RFPL1: variants seen among roughly 807,000 people sequenced by gnomAD.
RFPL1 encodes ret finger protein like 1, also known as ret finger protein-like 1.
Under a neutral mutation model 9.6 loss-of-function variants are expected in RFPL1, and 6 were observed. The observed-to-expected ratio is 0.62, with a 90% CI of 0.34 to 1.23. The LOEUF (loss-of-function observed/expected upper bound fraction) is 1.23, where lower values mean the gene tolerates loss of function less well. Ranked by LOEUF, RFPL1 falls within the 50% of genes most tolerant of loss-of-function variation. The probability of loss-of-function intolerance (pLI) is 0.03; values close to 1 mark genes in which losing one functional copy is unlikely to be tolerated. For missense variants in RFPL1, 352 were observed against 398.4 expected (o/e 0.88, Z 0.99); for synonymous variants, 145 against 149.4 (o/e 0.97, Z 0.22).
chr22:29,410,764 G>A, the RFPL1 span, among the ~76,000 whole-genome samples: 2 of 150,288 alleles, frequency 1.3e-5, no homozygotes, highest in East Asian at 3.9e-4. Flanking sequence ...GGACTTCTCC[G>A]GCTTCCGCAT....
chr22:29,417,181 G>A, the RFPL1 span, among the ~76,000 whole-genome samples: 3 of 151,932 alleles, frequency 2.0e-5, no homozygotes, highest in Non-Finnish European at 4.4e-5. Context: ...TCGCTCTTTG[G>A]GGCTTATCAT....
chr22:29,427,182 G>A, the RFPL1 span, among the ~76,000 whole-genome samples: 1 of 152,266 alleles, frequency 6.6e-6, no homozygotes, highest in Non-Finnish European at 1.5e-5. Flanking sequence ...TGGAAACACT[G>A]AGGGGGGGCC....
the RFPL1 span, among the ~76,000 whole-genome samples, chr22:29,407,071 T>C: frequency 2.2e-4 from 23 of 105,734 alleles, no homozygotes; most frequent in African/African-American, 8.3e-4. Flanking sequence ...CAAGTTAGAG[T>C]TGTTCTTTTG....
chr22:29,412,393 G>A, the RFPL1 span, among the ~76,000 whole-genome samples: 1 of 152,022 alleles, frequency 6.6e-6, no homozygotes, highest in Non-Finnish European at 1.5e-5. Flanking sequence ...CAGTGGCAGC[G>A]CTCCCGAGTA....
the RFPL1 span, among the ~76,000 whole-genome samples, chr22:29,410,223 A>C: frequency 7.2e-6 from 1 of 138,130 alleles, no homozygotes; most frequent in African/African-American, 2.7e-5. Context: ...ATCTATATAT[A>C]TATATAGATA....
the RFPL1 span, among the ~76,000 whole-genome samples, chr22:29,415,327 G>T: frequency 1.3e-5 from 2 of 152,236 alleles, no homozygotes; most frequent in African/African-American, 4.8e-5. Context: ...CAAATGGAGT[G>T]GGCAAGTTCC....
the RFPL1 span, among the ~76,000 whole-genome samples, chr22:29,419,837 T>G: frequency 6.7e-6 from 1 of 149,708 alleles, no homozygotes; most frequent in Non-Finnish European, 1.5e-5. Context: ...AAAAAGAAAC[T>G]TAGAGGCCAC....
the RFPL1 span, among the ~76,000 whole-genome samples, chr22:29,421,822 G>A: frequency 2.0e-5 from 3 of 151,792 alleles, no homozygotes; most frequent in African/African-American, 7.3e-5. Context: ...CTTCAGTGTG[G>A]TTACTACTCT....
chr22:29,414,815 C>CT, the RFPL1 span, among the ~76,000 whole-genome samples: 2,036 of 134,412 alleles, frequency 0.015, 48 homozygotes, highest in African/African-American at 0.051. Context: ...TACCTTTTTG[C>CT]TTTTTTTTTT....
chr22:29,401,128 G>A, the RFPL1 span, among the ~76,000 whole-genome samples: 1 of 152,152 alleles, frequency 6.6e-6, no homozygotes, highest in African/African-American at 2.4e-5. Flanking sequence ...TCATACCCAT[G>A]GCTTCAATTG....
chr22:29,425,167 G>A, the RFPL1 span, among the ~76,000 whole-genome samples: 1 of 142,314 alleles, frequency 7.0e-6, no homozygotes, highest in Non-Finnish European at 1.5e-5. Flanking sequence ...TTGCGCCACT[G>A]CACTCTAGCC....
chr22:29,400,949 G>A, the RFPL1 span, among the ~76,000 whole-genome samples: 1 of 152,198 alleles, frequency 6.6e-6, no homozygotes, highest in Non-Finnish European at 1.5e-5. Flanking sequence ...CCTCCATTCC[G>A]ATGAGACCCA....
chr22:29,429,474 A>G, the RFPL1 span, among the ~76,000 whole-genome samples: 1 of 152,232 alleles, frequency 6.6e-6, no homozygotes. Flanking sequence ...GAAAAAGGAG[A>G]CATTACAACT....
the RFPL1 span, among the ~76,000 whole-genome samples, chr22:29,422,549 G>T: frequency 6.6e-6 from 1 of 152,084 alleles, no homozygotes; most frequent in African/African-American, 2.4e-5. Flanking sequence ...TTGTACTCGT[G>T]CCTGGGCAAC....
chr22:29,407,079 TTGTGTGTGTGTGTGTGTGTG>T, the RFPL1 span, among the ~76,000 whole-genome samples: 1 of 145,918 alleles, frequency 6.9e-6, no homozygotes, highest in Admixed American at 6.9e-5. Context: ...AGTTGTTCTT[TTGTGTGTGTGTGTGTGTGTG>T]TGTGTGTGTG....
At chr22:29,424,302 A>G in the RFPL1 span, among the ~76,000 whole-genome samples, 1 of 152,234 alleles carries the variant, frequency 6.6e-6, no homozygotes, top group South Asian at 2.1e-4. Context: ...AAAGAAAAGA[A>G]GTTACACAGG....
the RFPL1 span, among the ~76,000 whole-genome samples, chr22:29,421,779 A>C: frequency 6.7e-6 from 1 of 150,254 alleles, no homozygotes; most frequent in Non-Finnish European, 1.5e-5. Flanking sequence ...CTCCACCCAG[A>C]GCTCTCCCAC....
At chr22:29,405,413 G>A in the RFPL1 span, among the ~76,000 whole-genome samples, 1 of 152,208 alleles carries the variant, frequency 6.6e-6, no homozygotes, top group Admixed American at 6.5e-5. Flanking sequence ...ATCCCAGACT[G>A]TGCATCATAA....
At chr22:29,389,320 T>C in the RFPL1 span, among the ~76,000 whole-genome samples, 1 of 151,446 alleles carries the variant, frequency 6.6e-6, no homozygotes, top group Non-Finnish European at 1.5e-5. Context: ...CCCAGGAGGT[T>C]GAGGTTACAG....
Sources: allele counts gnomAD v4.1 joint callset (sites outside exome capture counted in the v4.1 genomes callset), GRCh38; gene constraint gnomAD v4.1.1; transcripts MANE v1.5; gene names NCBI Gene and HGNC (gene_info 2026-07-23, HGNC 2026-07-21).